The following CNTN4 variants were observed in gnomAD, a reference collection of about 807,000 sequenced individuals.
CNTN4 encodes contactin 4.
A neutral mutation model predicts 122.5 loss-of-function variants in CNTN4; 77 were observed. The ratio of observed to expected loss-of-function variants is 0.63; its 90% CI spans 0.52 to 0.76. The LOEUF (loss-of-function observed/expected upper bound fraction) is 0.76. CNTN4 is among the 30% of genes least tolerant of loss of function. The pLI, the probability that CNTN4 is intolerant of heterozygous loss-of-function variation, is 0.00. For synonymous variants in CNTN4, 512 were observed against 447.0 expected, an observed-to-expected ratio of 1.15 and a Z score of -1.83; for missense variants, 1,256 against 1,259.1, an observed-to-expected ratio of 1.00 and a Z score of 0.04.
At chr3:2,965,768 C>T (rs1486305231) in intron 13 of CNTN4, among the ~76,000 whole-genome samples, 4 of 152,132 alleles carry the variant, frequency 2.6e-5, no homozygotes, top group Admixed American at 6.5e-5. Flanking sequence ...AACCCACCAG[C>T]CCCGCTTTCT....
chr3:2,165,912 A>C (rs547837560), intron 2 of CNTN4, among the ~76,000 whole-genome samples: 1 of 152,198 alleles, frequency 6.6e-6, no homozygotes, highest in East Asian at 1.9e-4. Context: ...TTATATTACT[A>C]TTAATATTAT....
rs551205368 is a variant in CNTN4, at chr3:2,642,484, C to T, written c.55+70926C>T. Among the ~76,000 whole-genome samples, 24 of 152,290 alleles carry T rather than the reference C, an allele frequency of 1.6e-4. No individual in the cohort carries two copies. In the South Asian group the frequency reaches 5.0e-3, roughly 32 times the overall value. ...CACCCAATATTAACCATTAAACTCT[C>T]CTTCCTCTATTAAACCACATAAATT... is the stretch of plus-strand genomic sequence containing the variant. On this transcript the variant is annotated intron_variant, in intron 4 of 24. Transcript: ENST00000418658.
chr3:2,562,325 C>T (rs1001476454), intron 3 of CNTN4, among the ~76,000 whole-genome samples: 7 of 152,090 alleles, frequency 4.6e-5, no homozygotes, highest in African/African-American at 1.7e-4. Flanking sequence ...ATGACCCTAT[C>T]ACCCAAGCAG....
intron 2 of CNTN4, among the ~76,000 whole-genome samples, chr3:2,133,176 C>T (rs966838687): frequency 1.2e-4 from 19 of 152,126 alleles, no homozygotes; most frequent in Admixed American, 4.6e-4. Context: ...GGTTCACTCC[C>T]TCCTGTCTGT....
chr3:2,567,563 C>G (rs2079227141), intron 3 of CNTN4, among the ~76,000 whole-genome samples: 1 of 152,190 alleles, frequency 6.6e-6, no homozygotes, highest in Non-Finnish European at 1.5e-5. Context: ...TCAGTGCTTT[C>G]CATGCATTCT....
At chr3:2,822,172 ATTC>A (rs1001846547) in intron 7 of CNTN4, among the ~76,000 whole-genome samples, 6 of 152,206 alleles carry the variant, frequency 3.9e-5, no homozygotes, top group African/African-American at 1.4e-4. Context: ...AAATGGGATT[ATTC>A]TTCAGGATTT....
At chr3:2,884,580 C>T (rs922891359) in intron 9 of CNTN4, among the ~76,000 whole-genome samples, 3 of 152,080 alleles carry the variant, frequency 2.0e-5, no homozygotes, top group Non-Finnish European at 4.4e-5. Context: ...AGAACAAAAG[C>T]AGATTGCTAA....
intron 2 of CNTN4, among the ~76,000 whole-genome samples, chr3:2,118,199 TGAGAATCAGAAA>T (rs1262255658): frequency 6.6e-6 from 1 of 152,180 alleles, no homozygotes; most frequent in African/African-American, 2.4e-5. Flanking sequence ...ATGAGAAAAC[TGAGAATCAGAAA>T]GAGTAAGTAA....
intron 12 of CNTN4, among the ~76,000 whole-genome samples, chr3:2,904,532 C>T (rs1007367630): frequency 6.6e-6 from 1 of 152,194 alleles, no homozygotes; most frequent in Non-Finnish European, 1.5e-5. Context: ...GTTTTATGCT[C>T]TTGGCATAGA....
chr3:2,876,037 G>A (rs187972123), intron 8 of CNTN4, among the ~76,000 whole-genome samples: 1 of 152,282 alleles, frequency 6.6e-6, no homozygotes, highest in African/African-American at 2.4e-5. Context: ...ATATTGAAAA[G>A]GAAGGAAGGT....
intron 4 of CNTN4, among the ~76,000 whole-genome samples, chr3:2,610,333 C>A (rs2081427249): frequency 1.3e-5 from 2 of 152,128 alleles, no homozygotes; most frequent in South Asian, 2.1e-4. Context: ...AATTTTATTT[C>A]TTCAGTTGCC....
intron 3 of CNTN4, among the ~76,000 whole-genome samples, chr3:2,416,643 C>G (rs2047423774): frequency 6.6e-6 from 1 of 152,100 alleles, no homozygotes; most frequent in Non-Finnish European, 1.5e-5. Flanking sequence ...AATCAGAGGG[C>G]TTTCCAGTGT....
At chr3:2,279,025 A>G (rs1400514784) in intron 2 of CNTN4, among the ~76,000 whole-genome samples, 1 of 151,996 alleles carries the variant, frequency 6.6e-6, no homozygotes, top group Non-Finnish European at 1.5e-5. Flanking sequence ...TGACCTGACA[A>G]TTGAAGGTGC....
chr3:2,319,463 C>A (rs2043210371), intron 2 of CNTN4, among the ~76,000 whole-genome samples: 1 of 152,128 alleles, frequency 6.6e-6, no homozygotes, highest in Admixed American at 6.6e-5. Flanking sequence ...GCCTCGCCTT[C>A]CATCTCTTTC....
At position 2,504,198 on chromosome 3, in the gene CNTN4, T is replaced by C. The variant is rs373444892; in HGVS notation, c.-88-67218T>C. 1.9e-3 allele frequency among the ~76,000 whole-genome samples: 293 copies of C among 152,242 alleles called. 16 individuals carry two copies. In the South Asian group the frequency reaches 0.06, roughly 31 times the overall value. ...GTAGTATTTTTAGCACTAGTAGATA[T>C]GAAGAGGGATGTCTCGTTTTCAGTT... On this transcript the variant is annotated intron_variant, in intron 3 of 24. Transcript: ENST00000418658.
intron 7 of CNTN4, among the ~76,000 whole-genome samples, chr3:2,825,117 T>C (rs2092959604): frequency 6.6e-6 from 1 of 152,212 alleles, no homozygotes; most frequent in South Asian, 2.1e-4. Flanking sequence ...GCAGTGCCTC[T>C]TGCCTATAAT....
chr3:2,457,413 C>G (rs773133125), intron 3 of CNTN4, among the ~76,000 whole-genome samples: 3 of 152,066 alleles, frequency 2.0e-5, no homozygotes, highest in Non-Finnish European at 4.4e-5. Context: ...CTTCATAGCA[C>G]AGAGTATGCC....
intron 13 of CNTN4, among the ~76,000 whole-genome samples, chr3:2,944,781 T>A (rs2094657031): frequency 6.6e-6 from 1 of 152,166 alleles, no homozygotes; most frequent in South Asian, 2.1e-4. Context: ...AGATGACAGG[T>A]TGCATACAGA....
intron 2 of CNTN4, among the ~76,000 whole-genome samples, chr3:2,281,049 A>T (rs765824031): frequency 2.0e-5 from 3 of 152,216 alleles, no homozygotes; most frequent in Non-Finnish European, 4.4e-5. Flanking sequence ...GAGAGACTGC[A>T]TACTAAAAGT....
Sources: gnomAD v4.1 joint callset for allele counts (sites outside exome capture counted in the v4.1 genomes callset) on GRCh38, gnomAD v4.1.1 for gene constraint, MANE v1.5 for transcripts, NCBI Gene and HGNC (gene_info 2026-07-23, HGNC 2026-07-21) for gene names.